EIF3B: variants seen among roughly 807,000 people sequenced by gnomAD.
EIF3B encodes the protein eukaryotic translation initiation factor 3 subunit 9.
EIF3B carries 10 observed loss-of-function variants against 104.6 expected under a neutral mutation model. That is an observed-to-expected ratio of 0.10 (90% confidence interval 0.06 to 0.16). The LOEUF is 0.16. Ranked by LOEUF, EIF3B falls within the 10% of genes least tolerant of loss-of-function variation. The probability of loss-of-function intolerance (pLI) is 1.00; values close to 1 mark genes in which losing one functional copy is unlikely to be tolerated. For synonymous variants in EIF3B, 542 were observed against 417.2 expected (o/e 1.30, Z -3.65); for missense variants, 1,014 against 1,087.9 (o/e 0.93, Z 0.96).
intron 11 of EIF3B, 80 bp from the exon 12 acceptor site, chr7:2,372,593 A>G: frequency 6.6e-7 from 1 of 1,521,054 alleles, no homozygotes; most frequent in African/African-American, 1.4e-5. Flanking sequence ...TCTGTGGTTG[A>G]ATAGTGAACA....
At chr7:2,364,643 G>T (rs958786441) in intron 6 of EIF3B, 114 bp downstream of exon 6, 1 of 976,718 alleles carries the variant, frequency 1.0e-6, no homozygotes, top group African/African-American at 1.7e-5. Context: ...ACGGGAGTAT[G>T]CAGAACGCTA....
chr7:2,372,540 C>T, intron 11 of EIF3B, 133 bp from the exon 12 acceptor site: 2 of 1,148,748 alleles, frequency 1.7e-6, no homozygotes, highest in Non-Finnish European at 2.5e-6. Context: ...GTTGCTTGCT[C>T]TCCCGTCCTT....
rs1353402683 is a variant in EIF3B, at chr7:2,378,700, G to A, written c.2166G>A (p.Lys722=). The change falls in exon 16 of 19, where the codon AAG becomes AAA. Residue 722 remains lysine (K), a synonymous_variant. Coordinates refer to ENST00000360876, the MANE Select transcript of EIF3B (RefSeq NM_001037283.2). The part of the protein sequence containing the change: ...LSQEQIKQIK[K]DLKKYSKIFE... ...GTCTTTTGTTTCAGCAAATTAAAAA[G>A]GATCTGAAGAAATACTCTAAGATCT... The A allele has an allele frequency of 6.2e-7, 1 of 1,613,828 alleles. No homozygotes were observed. The highest frequency in any genetic ancestry group is 2.2e-5 in the East Asian group (1 of 44,890).
At chr7:2,363,370 GATCACTTGAGCCT>G (rs1326050629) in intron 4 of EIF3B, among the ~76,000 whole-genome samples, 1 of 151,988 alleles carries the variant, frequency 6.6e-6, no homozygotes, top group South Asian at 2.1e-4. Flanking sequence ...GAGGGGGGAG[GATCACTTGAGCCT>G]GGGAGGTTGA....
chr7:2,378,688 G>T lies in EIF3B; in HGVS notation c.2155-1G>T. On this transcript the variant is annotated splice_acceptor_variant, in intron 15 of 18. Coordinates refer to ENST00000360876, the MANE Select transcript of EIF3B (RefSeq NM_001037283.2). LOFTEE classifies it high-confidence loss of function. ...CCTGAGTGATGGGTCTTTTGTTTCAGCAAATTAAAAAGGATCTGAAGAAAT... is the reference window on the plus strand; with the variant it reads ...CCTGAGTGATGGGTCTTTTGTTTCATCAAATTAAAAAGGATCTGAAGAAAT... The T allele has an allele frequency of 6.2e-7, 1 of 1,613,388 alleles. No homozygotes were observed.
At chr7:2,379,338 G>A (rs770977655) in intron 17 of EIF3B, 56 bp from the exon 18 acceptor site, 23 of 1,553,820 alleles carry the variant, frequency 1.5e-5, no homozygotes, top group Middle Eastern at 1.7e-4. Context: ...CACTGGCCTC[G>A]GCGGTGCCAC....
intron 12 of EIF3B, chr7:2,374,052 T>C (rs1036993151): frequency 2.6e-5 from 4 of 153,348 alleles, no homozygotes; most frequent in African/African-American, 9.6e-5. Flanking sequence ...TGGCCTTCAC[T>C]TCTCACTGTT....
chr7:2,363,955 A>C (rs1296862319), intron 5 of EIF3B, among the ~76,000 whole-genome samples, 195 bp downstream of exon 5: 1 of 152,160 alleles, frequency 6.6e-6, no homozygotes, highest in Non-Finnish European at 1.5e-5. Context: ...GGCTTTGTGT[A>C]TTTCACTTAA....
rs151071509 is a variant in EIF3B at position 2,380,551 on chromosome 7, A to T, written c.*362A>T. 5.1e-6 allele frequency: 2 copies of T among 392,404 alleles called. No homozygotes were observed. Among genetic ancestry groups the T allele is most frequent in the Admixed American group, 6.3e-5 (2 of 31,864 alleles). 24.3% of individuals were successfully genotyped at this position (392,404 alleles called of 1,614,324 possible). A position where few individuals can be genotyped will look rare whatever the true frequency, so the allele number is the denominator to read the frequency against. ...GCGGCACCTTCTCCTGCGCCCAGTG[A>T]TGTTTCCACGGTGCCTGTACACAGC... is the stretch of plus-strand genomic sequence containing the variant. On this transcript the variant is annotated 3_prime_UTR_variant, in exon 19 of 19. Transcript: ENST00000360876.
chr7:2,375,606 T>C, intron 14 of EIF3B, 79 bp downstream of exon 14: 1 of 1,594,320 alleles, frequency 6.3e-7, no homozygotes, highest in African/African-American at 1.3e-5. Context: ...GGTGCTGTCC[T>C]GGGACCTCAG....
Position 2,364,407 on chromosome 7 carries a change from G to A in EIF3B, c.1035G>A (p.Lys345=). ...WTETYVRWSP[K]GTYLATFHQR... ...AGACGTATGTGCGTTGGTCTCCTAA[G>A]GGCACCTACCTGGCTACCTTTCATC... The change falls in exon 6 of 19, where the codon AAG becomes AAA. Residue 345 remains lysine, a synonymous_variant. Transcript: ENST00000360876. The A allele has an allele frequency of 1.2e-6, 2 of 1,612,508 alleles. No individual in the cohort carries two copies. The highest frequency in any genetic ancestry group is 1.7e-6 in the Non-Finnish European group (2 of 1,179,476).
Position 2,355,110 on chromosome 7 carries a change from GT to G in EIF3B, c.190del (p.Ser64ProfsTer3), listed in dbSNP as rs1779324238. 9 of 1,367,482 alleles carry G rather than the reference GT, an allele frequency of 6.6e-6. No individual in the cohort carries two copies. The South Asian group carries it at 1.5e-4, about 23-fold the overall frequency. 84.7% of individuals were successfully genotyped at this position (1,367,482 alleles called of 1,614,324 possible). A position where few individuals can be genotyped will look rare whatever the true frequency, so the allele number is the denominator to read the frequency against. On this transcript the variant is annotated frameshift_variant, in exon 1 of 19. Coordinates refer to ENST00000360876, the MANE Select transcript of EIF3B (RefSeq NM_001037283.2). LOFTEE classifies it high-confidence loss of function. ...TGGGGATCGCGGAGGCCGGGCCGGA[GT>G]CCGAGGTGAGGACCGAGCCGGCGGC... ...EVGIAEAGPE[S>X]EVRTEPAAEA...
At chr7:2,378,934 G>T (rs1196729326) in intron 16 of EIF3B, 168 bp downstream of exon 16, 2 of 757,004 alleles carry the variant, frequency 2.6e-6, no homozygotes, top group East Asian at 5.4e-5. Flanking sequence ...TTGGCACGGG[G>T]ACTTGGAGTT....
intron 4 of EIF3B, among the ~76,000 whole-genome samples, chr7:2,363,330 G>A (rs1009815193): frequency 1.3e-5 from 2 of 152,026 alleles, no homozygotes; most frequent in African/African-American, 4.8e-5. Flanking sequence ...GGCCTGGCAT[G>A]CACCTGTATT....
At position 2,363,050 on chromosome 7, in the gene EIF3B, C is replaced by G; in HGVS notation, c.813-20C>G. 1.9e-6 allele frequency: 3 copies of G among 1,613,796 alleles called. No homozygotes were observed. Among genetic ancestry groups the G allele is most frequent in the Non-Finnish European group, 2.5e-6 (3 of 1,179,850 alleles). The stretch of plus-strand genomic sequence containing the variant: ...CTAGTCGTCAGGGCGTGGGGCTCAG[C>G]AGTCTCCTTTCTTCTCCAGGTATAT... On this transcript the variant is annotated intron_variant, in intron 3 of 18. Transcript: ENST00000360876.
At chr7:2,369,765 A>ATTTTTTTTTTTT (rs552367791) in intron 10 of EIF3B, 83 bp downstream of exon 10, 1 of 303,996 alleles carries the variant, frequency 3.3e-6, no homozygotes, top group African/African-American at 5.0e-5. Context: ...GTGTTAATGG[A>ATTTTTTTTTTTT]TTTTTTTTTT....
chr7:2,359,779 G>GGTA (rs1209240184), intron 1 of EIF3B, among the ~76,000 whole-genome samples: 1 of 152,158 alleles, frequency 6.6e-6, no homozygotes, highest in Non-Finnish European at 1.5e-5. Flanking sequence ...GCTAATTCCT[G>GGTA]GTAGATAGTG....
rs1009852186 is a variant in EIF3B at position 2,375,915 on chromosome 7, C to A, written c.2028+388C>A. ...TGCCGCGTTACCCACAACTCGTATT[C>A]CAAAACTGCTGGTTAAGTTTGTCAA... On this transcript the variant is annotated intron_variant, in intron 14 of 18. Transcript: ENST00000360876. The A allele has an allele frequency of 2.2e-5, 4 of 185,930 alleles. No homozygotes were observed. In the Admixed American group the frequency reaches 2.2e-4, roughly 10 times the overall value. The allele number at this position is 185,930 out of a possible 1,614,324, so 11.5% of individuals were successfully genotyped here.
chr7:2,375,298 C>G, intron 13 of EIF3B, 91 bp from the exon 14 acceptor site: 1 of 1,568,070 alleles, frequency 6.4e-7, no homozygotes, highest in Non-Finnish European at 8.7e-7. Context: ...GGCTGGCTCC[C>G]TGGGGACCCC....
Sources: allele counts gnomAD v4.1 joint callset (sites outside exome capture counted in the v4.1 genomes callset), GRCh38; gene constraint gnomAD v4.1.1; transcripts MANE v1.5; gene names NCBI Gene and HGNC (gene_info 2026-07-23, HGNC 2026-07-21).